LANCL3: variants seen among roughly 807,000 people sequenced by gnomAD.
LANCL3 encodes lanC-like protein 3.
In LANCL3, 19 loss-of-function variants were observed where a neutral mutation model predicts 26.5. The ratio of observed to expected loss-of-function variants is 0.72; its 90% confidence interval spans 0.50 to 1.05. LANCL3 has a LOEUF of 1.05. Ranked by LOEUF, LANCL3 falls within the 50% of genes least tolerant of loss-of-function variation. LANCL3 has a pLI of 0.00. For synonymous variants in LANCL3, 160 were observed against 166.6 expected, an observed-to-expected ratio of 0.96 and a Z score of 0.30; for missense variants, 318 against 362.7, an observed-to-expected ratio of 0.88 and a Z score of 1.00.
intron 1 of LANCL3, among the ~76,000 whole-genome samples, chrX:37,648,655 T>A (rs5963852): frequency 0.32 from 35,542 of 110,800 alleles, 6,218 homozygotes; most frequent in African/African-American, 0.69. Context: ...AAAAGAAACT[T>A]TCATCAGAGT....
intron 1 of LANCL3, among the ~76,000 whole-genome samples, chrX:37,653,991 C>A (rs1181289122): frequency 9.0e-6 from 1 of 111,182 alleles, no homozygotes; most frequent in East Asian, 2.8e-4. Context: ...CTGTTTCTTT[C>A]TATCTCTAGG....
intron 1 of LANCL3, among the ~76,000 whole-genome samples, chrX:37,585,662 C>T (rs1272101952): frequency 1.8e-5 from 2 of 111,538 alleles, no homozygotes; most frequent in Admixed American, 1.9e-4. Flanking sequence ...GATCTCCCTC[C>T]ATCCCTTTAT....
At chrX:37,581,747 A>G (rs1421418048) in intron 1 of LANCL3, among the ~76,000 whole-genome samples, 1 of 112,270 alleles carries the variant, frequency 8.9e-6, no homozygotes, top group Non-Finnish European at 1.9e-5. Context: ...ATCTGTTAAT[A>G]TACATTCCAC....
intron 1 of LANCL3, among the ~76,000 whole-genome samples, chrX:37,654,623 C>T (rs782527277): frequency 3.0e-4 from 33 of 111,248 alleles, no homozygotes; most frequent in East Asian, 2.0e-3. Flanking sequence ...AATCGTGGAG[C>T]GGAGGGAAAG....
rs1923580037 is a variant in LANCL3, at chrX:37,571,802, G to C, written c.-69G>C. On this transcript the variant is annotated 5_prime_UTR_variant, in exon 1 of 5. Coordinates refer to ENST00000378619, the MANE Select transcript of LANCL3 (RefSeq NM_001170331.2). ...CCGAGTGCCTCAGAGAGCCGGAGGT[G>C]GTGTGCGGGGCTGCAGGGCACGACT... 1 of 946,598 alleles carries C rather than the reference G, an allele frequency of 1.1e-6. No individual in the cohort carries two copies. The highest frequency in any genetic ancestry group is 1.4e-6 in the Non-Finnish European group (1 of 690,978). 78.0% of individuals were successfully genotyped at this position (946,598 alleles called of 1,213,427 possible).
At chrX:37,639,398 A>C (rs1464156242) in intron 1 of LANCL3, among the ~76,000 whole-genome samples, 1 of 107,347 alleles carries the variant, frequency 9.3e-6, no homozygotes, top group Non-Finnish European at 1.9e-5. Context: ...GTACTGCTTC[A>C]TGACCAATTA....
At chrX:37,634,236 A>T (rs181896465) in intron 1 of LANCL3, among the ~76,000 whole-genome samples, 1 of 112,637 alleles carries the variant, frequency 8.9e-6, no homozygotes, top group East Asian at 2.8e-4. Context: ...ACCCTTCGAG[A>T]CAGGTGCAGG....
chrX:37,624,922 A>G (rs975551647), intron 1 of LANCL3, among the ~76,000 whole-genome samples: 1 of 111,854 alleles, frequency 8.9e-6, no homozygotes, highest in Non-Finnish European at 1.9e-5. Context: ...AGTAACCCCA[A>G]TAAGTGTATC....
At chrX:37,592,665 T>C (rs1556419131) in intron 1 of LANCL3, among the ~76,000 whole-genome samples, 1 of 111,520 alleles carries the variant, frequency 9.0e-6, no homozygotes, top group Non-Finnish European at 1.9e-5. Flanking sequence ...ATTAGAATAT[T>C]AAGTTGAATA....
intron 1 of LANCL3, among the ~76,000 whole-genome samples, chrX:37,605,404 A>G (rs184079283): frequency 8.9e-6 from 1 of 112,137 alleles, no homozygotes; most frequent in Non-Finnish European, 1.9e-5. Flanking sequence ...CAATGCAAGT[A>G]TACAGCCCAC....
chrX:37,603,440 G>T (rs1924624340), intron 1 of LANCL3, among the ~76,000 whole-genome samples: 1 of 111,948 alleles, frequency 8.9e-6, no homozygotes, highest in Admixed American at 9.5e-5. Context: ...GGCACTTTGG[G>T]TCCTGAGCAC....
At chrX:37,656,255 A>C (rs1926281575) in intron 2 of LANCL3, among the ~76,000 whole-genome samples, 1 of 110,957 alleles carries the variant, frequency 9.0e-6, no homozygotes, top group Admixed American at 9.6e-5. Flanking sequence ...TGCAAAAAAA[A>C]AAAAAGGGAA....
Position 37,661,713 on chromosome X carries a change from G to A in LANCL3, c.895+2054G>A, listed in dbSNP as rs782709012. Among the ~76,000 whole-genome samples, 15 of 111,801 alleles carry A rather than the reference G, an allele frequency of 1.3e-4. 1 individual carries two copies. Among genetic ancestry groups the A allele is most frequent in the African/African-American group, 4.5e-4 (14 of 30,834 alleles). On this transcript the variant is annotated intron_variant, in intron 3 of 4. Transcript: ENST00000378619. ...ATAAAATAATTTTCATTTATTTAAG[G>A]AAAACATTTTTGAGAGTAGATTTAT...
At chrX:37,631,420 T>G (rs1453355368) in intron 1 of LANCL3, among the ~76,000 whole-genome samples, 2 of 111,873 alleles carry the variant, frequency 1.8e-5, no homozygotes, top group South Asian at 3.7e-4. Flanking sequence ...ATTCATTGAT[T>G]TTTTGAAGGG....
chrX:37,644,272 A>C (rs1390075503), intron 1 of LANCL3, among the ~76,000 whole-genome samples: 1 of 111,886 alleles, frequency 8.9e-6, no homozygotes, highest in Non-Finnish European at 1.9e-5. Context: ...CTCCACAGCT[A>C]CTGAGTCAGA....
intron 1 of LANCL3, among the ~76,000 whole-genome samples, chrX:37,590,131 T>G (rs1556418710): frequency 8.9e-6 from 1 of 112,666 alleles, no homozygotes; most frequent in East Asian, 2.8e-4. Context: ...ATATAGGTGA[T>G]GTTGGAATAT....
chrX:37,607,469 A>G (rs1924748482), intron 1 of LANCL3, among the ~76,000 whole-genome samples: 1 of 112,633 alleles, frequency 8.9e-6, no homozygotes, highest in Non-Finnish European at 1.9e-5. Context: ...TTGAAATTCA[A>G]CAAAGAGCAC....
chrX:37,574,633 C>G lies in LANCL3; in HGVS notation c.573+2190C>G, dbSNP rs143664521. 9.9e-3 allele frequency among the ~76,000 whole-genome samples: 1,102 copies of G among 111,830 alleles called. 6 individuals are homozygous for G. Among genetic ancestry groups the G allele is most frequent in the African/African-American group, 0.034 (1,050 of 30,748 alleles). ...TCATGTTATTTCCCTGCTCAACATA[C>G]TGCAGTGGCTCCCTATTACTTTTTC... is the stretch of plus-strand genomic sequence containing the variant. On this transcript the variant is annotated intron_variant, in intron 1 of 4. Coordinates refer to ENST00000378619, the MANE Select transcript of LANCL3 (RefSeq NM_001170331.2).
At position 37,615,656 on chromosome X, in the gene LANCL3, T is replaced by A. The variant is rs1602109236; in HGVS notation, c.574-40032T>A. 3.6e-5 allele frequency among the ~76,000 whole-genome samples: 4 copies of A among 112,069 alleles called. 1 individual carries two copies. The Admixed American group carries it at 3.8e-4, about 11-fold the overall frequency. ...GTCTGTTCTTTTTACACCTTGGAAA[T>A]GAATCTAGTATCAATTTTCATCTTT... On this transcript the variant is annotated intron_variant, in intron 1 of 4. Coordinates refer to ENST00000378619, the MANE Select transcript of LANCL3 (RefSeq NM_001170331.2).
Sources: gnomAD v4.1 joint callset for allele counts (sites outside exome capture counted in the v4.1 genomes callset) on GRCh38, gnomAD v4.1.1 for gene constraint, MANE v1.5 for transcripts, NCBI Gene and HGNC (gene_info 2026-07-23, HGNC 2026-07-21) for gene names.